The following COPG2 variants were observed in gnomAD, a reference collection of about 807,000 sequenced individuals.
COPG2 encodes the protein coatomer subunit gamma-2.
In COPG2, 37 loss-of-function variants were observed where a neutral mutation model predicts 46.3. The ratio of observed to expected loss-of-function variants is 0.80; its 90% CI spans 0.61 to 1.05. COPG2 has a LOEUF of 1.05. Ranked by LOEUF, COPG2 falls within the 50% of genes least tolerant of loss-of-function variation. The probability of loss-of-function intolerance (pLI) is 0.00; values close to 1 mark genes in which losing one functional copy is unlikely to be tolerated. For missense variants in COPG2, 427 were observed against 387.8 expected, an observed-to-expected ratio of 1.10 and a Z score of -0.85; for synonymous variants, 159 against 129.7, an observed-to-expected ratio of 1.23 and a Z score of -1.53.
chr7:130,600,588 A>C (rs1794617379), intron 9 of COPG2, among the ~76,000 whole-genome samples: 1 of 152,096 alleles, frequency 6.6e-6, no homozygotes, highest in African/African-American at 2.4e-5. Context: ...AGTGCACTAC[A>C]CACTGATTCC....
At chr7:130,634,342 C>T (rs1379632915) in intron 5 of COPG2, among the ~76,000 whole-genome samples, 1 of 152,140 alleles carries the variant, frequency 6.6e-6, no homozygotes, top group Non-Finnish European at 1.5e-5. Context: ...ATTGATTCTT[C>T]CTATCCATGA....
chr7:130,571,004 A>G lies in COPG2; in HGVS notation c.738-6611T>C, dbSNP rs1384892159. 2.0e-5 allele frequency among the ~76,000 whole-genome samples: 3 copies of G among 152,232 alleles called. No homozygotes were observed. The East Asian group carries it at 5.8e-4, about 29-fold the overall frequency. ...GGCTAATTGGCTAGCCATGCGTAGG[A>G]GAATGAAACTGGATCCTCATCTCTC... On this transcript the variant is annotated intron_variant, in intron 9 of 23. Coordinates refer to ENST00000425248, the MANE Select transcript of COPG2 (RefSeq NM_012133.6).
chr7:130,635,986 T>G (rs560129983), intron 5 of COPG2, among the ~76,000 whole-genome samples: 1 of 152,354 alleles, frequency 6.6e-6, no homozygotes, highest in South Asian at 2.1e-4. Context: ...AGGGGCAGGT[T>G]GTTCAGTTTC....
intron 20 of COPG2, among the ~76,000 whole-genome samples, chr7:130,527,736 T>C (rs1799787376): frequency 6.6e-6 from 1 of 151,878 alleles, no homozygotes; most frequent in Admixed American, 6.6e-5. Flanking sequence ...GGAAGATGCA[T>C]GTGTGGCAGG....
chr7:130,646,173 T>C (rs782706625), intron 5 of COPG2, among the ~76,000 whole-genome samples: 13 of 152,210 alleles, frequency 8.5e-5, no homozygotes, highest in East Asian at 1.9e-4. Context: ...CAACTTTAAT[T>C]TTATCAGTCA....
intron 5 of COPG2, among the ~76,000 whole-genome samples, chr7:130,642,780 T>G (rs1385302429): frequency 6.6e-6 from 1 of 152,210 alleles, no homozygotes; most frequent in Non-Finnish European, 1.5e-5. Flanking sequence ...CCCAGCACTT[T>G]GGGAGGCCAA....
chr7:130,513,341 A>ATATATATATT (rs1215646008), intron 20 of COPG2, among the ~76,000 whole-genome samples: 1 of 51,560 alleles, frequency 1.9e-5, no homozygotes, highest in Non-Finnish European at 4.5e-5. Context: ...ATATATATAT[A>ATATATATATT]TGTGTGTGTG....
chr7:130,662,022 G>T (rs62473530), intron 4 of COPG2, among the ~76,000 whole-genome samples: 29,324 of 152,052 alleles, frequency 0.19, 2,994 homozygotes, highest in Middle Eastern at 0.25. Context: ...GCAAGGAATG[G>T]GGCCCTGAAA....
At chr7:130,613,394 C>T in intron 7 of COPG2, 150 bp downstream of exon 7, 1 of 584,402 alleles carries the variant, frequency 1.7e-6, no homozygotes, top group South Asian at 2.2e-5. Context: ...GTGGGGACCC[C>T]TGCTCTAGAT....
intron 20 of COPG2, among the ~76,000 whole-genome samples, chr7:130,516,416 C>A (rs1799678589): frequency 6.6e-6 from 1 of 152,116 alleles, no homozygotes; most frequent in Non-Finnish European, 1.5e-5. Flanking sequence ...ACAGGGGAAG[C>A]CTCCAAAGGG....
intron 2 of COPG2, 66 bp from the exon 3 acceptor site, chr7:130,666,995 A>G: frequency 1.3e-6 from 1 of 790,322 alleles, no homozygotes; most frequent in Non-Finnish European, 2.0e-6. Context: ...TAGCAAATCA[A>G]CTTTAATACA....
chr7:130,582,584 T>C (rs1794175108), intron 9 of COPG2, among the ~76,000 whole-genome samples: 1 of 151,124 alleles, frequency 6.6e-6, no homozygotes, highest in African/African-American at 2.4e-5. Flanking sequence ...GAGAAAATTT[T>C]TGCAACCTAC....
chr7:130,632,788 G>A lies in COPG2; in HGVS notation c.324-15723C>T, dbSNP rs186822665. The stretch of plus-strand genomic sequence containing the variant: ...ACTTTAAGTTCTGGGATACATGTGC[G>A]GAACATGCAGGTTTGTTACACAGGT... On this transcript the variant is annotated intron_variant, in intron 5 of 23. Coordinates refer to ENST00000425248, the MANE Select transcript of COPG2 (RefSeq NM_012133.6). Among the ~76,000 whole-genome samples the A allele has an allele frequency of 2.7e-3, 406 of 151,838 alleles. 1 individual carries two copies. The highest frequency in any genetic ancestry group is 9.2e-3 in the African/African-American group (383 of 41,412).
chr7:130,595,167 T>C (rs2116470469), intron 9 of COPG2, among the ~76,000 whole-genome samples: 1 of 152,382 alleles, frequency 6.6e-6, no homozygotes, highest in South Asian at 2.1e-4. Flanking sequence ...TTATACAATG[T>C]AATATTATTC....
chr7:130,610,844 C>T, intron 9 of COPG2, 109 bp downstream of exon 9: 1 of 1,032,274 alleles, frequency 9.7e-7, no homozygotes. Context: ...ACATTGAACT[C>T]ATCTGTAAAG....
At chr7:130,517,438 A>G (rs1469418267) in intron 20 of COPG2, among the ~76,000 whole-genome samples, 2 of 152,228 alleles carry the variant, frequency 1.3e-5, no homozygotes, top group Admixed American at 1.3e-4. Flanking sequence ...CCAGGCAGAA[A>G]TGGGAATTAG....
intron 20 of COPG2, among the ~76,000 whole-genome samples, chr7:130,512,156 C>T (rs1414576676): frequency 2.7e-5 from 4 of 150,924 alleles, no homozygotes; most frequent in African/African-American, 9.8e-5. Context: ...ATCACTTGAA[C>T]CCAGGAGGCA....
intron 3 of COPG2, among the ~76,000 whole-genome samples, chr7:130,664,274 T>A (rs1554461144): frequency 6.6e-6 from 1 of 152,208 alleles, no homozygotes; most frequent in Non-Finnish European, 1.5e-5. Context: ...TTCAATCTAT[T>A]TGCCATAGGT....
In COPG2 at chr7:130,667,391, C is replaced by G. The variant is rs374717257; in HGVS notation, c.90+91G>C. The G allele has an allele frequency of 6.9e-4, 682 of 985,476 alleles. 7 individuals are homozygous for G. In the African/African-American group the frequency reaches 8.5e-3, roughly 12 times the overall value. The allele number at this position is 985,476 out of a possible 1,614,324, so 61.0% of individuals were successfully genotyped here. A position where few individuals can be genotyped will look rare whatever the true frequency, so the allele number is the denominator to read the frequency against. ...AAACTCTGTTACGTTTCTTGTTTTG[C>G]ATGTCGTGATCACAGCAGCCCAGGG... On this transcript the variant is annotated intron_variant, in intron 2 of 23. Transcript: ENST00000425248.
Sources: allele counts gnomAD v4.1 joint callset (sites outside exome capture counted in the v4.1 genomes callset), GRCh38; gene constraint gnomAD v4.1.1; transcripts MANE v1.5; gene names NCBI Gene and HGNC (gene_info 2026-07-23, HGNC 2026-07-21).